Variants in SLIT3 observed in about 807,000 individuals in gnomAD.
SLIT3 encodes the protein slit homolog 3 protein.
SLIT3 carries 68 observed loss-of-function variants against 184.0 expected under a neutral mutation model. The observed-to-expected ratio is 0.37, with a 90% CI of 0.30 to 0.45. SLIT3 has a LOEUF of 0.45. Ranked by LOEUF, SLIT3 falls within the 20% of genes least tolerant of loss-of-function variation. The probability of loss-of-function intolerance (pLI) is 1.00; values close to 1 mark genes in which losing one functional copy is unlikely to be tolerated. For synonymous variants in SLIT3, 831 were observed against 828.6 expected (o/e 1.00, Z -0.05); for missense variants, 1,707 against 2,026.0 (o/e 0.84, Z 3.02).
rs11323030 is a variant in SLIT3 at position 168,793,800 on chromosome 5, T to TG, written c.1007+1706dup. Among the ~76,000 whole-genome samples the TG allele has an allele frequency of 3.1e-3, 459 of 149,198 alleles. 5 individuals are homozygous for TG. Among genetic ancestry groups the TG allele is most frequent in the African/African-American group, 9.0e-3 (366 of 40,520 alleles). ...ATCAAGCTGAGCTTTAAAAATGAAT[T>TG]GGGGGGGGGGATGCATGGAGAGCGG... On this transcript the variant is annotated intron_variant, in intron 10 of 35. Transcript: ENST00000519560.
intron 4 of SLIT3, among the ~76,000 whole-genome samples, chr5:169,013,627 C>T (rs1029159756): frequency 1.3e-5 from 2 of 152,296 alleles, no homozygotes; most frequent in South Asian, 2.1e-4. Flanking sequence ...CTGCCTCTTA[C>T]GCCCGTTCTG....
chr5:169,144,584 G>C (rs542699733), intron 4 of SLIT3, among the ~76,000 whole-genome samples: 1 of 152,182 alleles, frequency 6.6e-6, no homozygotes. Flanking sequence ...ATGATGGAAG[G>C]TGTGTTTAGA....
At chr5:168,907,656 T>G (rs1460059315) in intron 4 of SLIT3, among the ~76,000 whole-genome samples, 1 of 152,090 alleles carries the variant, frequency 6.6e-6, no homozygotes, top group Non-Finnish European at 1.5e-5. Context: ...GAAATACATA[T>G]AGCATAGCAC....
chr5:168,853,896 C>T (rs556527484), intron 5 of SLIT3, among the ~76,000 whole-genome samples: 50 of 152,326 alleles, frequency 3.3e-4, no homozygotes, highest in African/African-American at 1.2e-3. Context: ...TCAAGGCCTT[C>T]CTCAAAGGCC....
intron 4 of SLIT3, among the ~76,000 whole-genome samples, chr5:169,097,809 C>G (rs969024830): frequency 6.6e-6 from 1 of 152,110 alleles, no homozygotes; most frequent in Non-Finnish European, 1.5e-5. Context: ...CTCATCTGCC[C>G]TTTGTTAGGT....
At chr5:168,947,180 C>G (rs1048077979) in intron 4 of SLIT3, among the ~76,000 whole-genome samples, 6 of 152,134 alleles carry the variant, frequency 3.9e-5, no homozygotes, top group Non-Finnish European at 7.4e-5. Flanking sequence ...AACATTTAAA[C>G]AGAAACCAAG....
intron 4 of SLIT3, among the ~76,000 whole-genome samples, chr5:168,980,865 G>A (rs992077488): frequency 5.9e-5 from 9 of 152,190 alleles, no homozygotes; most frequent in African/African-American, 2.2e-4. Flanking sequence ...ATTTAGTGAT[G>A]TGGGAAAATG....
At chr5:168,730,514 T>G (rs1763261771) in intron 20 of SLIT3, among the ~76,000 whole-genome samples, 1 of 151,996 alleles carries the variant, frequency 6.6e-6, no homozygotes, top group South Asian at 2.1e-4. Context: ...AACCTGAAAT[T>G]ATATCAAGTA....
intron 3 of SLIT3, among the ~76,000 whole-genome samples, chr5:169,199,009 T>TACACAC (rs562637290): frequency 5.3e-4 from 77 of 146,458 alleles, no homozygotes; most frequent in East Asian, 2.8e-3. Flanking sequence ...TATATATAAA[T>TACACAC]ACACACACAC....
At chr5:169,045,276 C>T (rs1451365167) in intron 4 of SLIT3, among the ~76,000 whole-genome samples, 1 of 152,056 alleles carries the variant, frequency 6.6e-6, no homozygotes, top group African/African-American at 2.4e-5. Flanking sequence ...CCTAAACGTG[C>T]AACTTGGGCA....
intron 4 of SLIT3, among the ~76,000 whole-genome samples, chr5:169,161,433 T>TG (rs1263631372): frequency 5.9e-5 from 9 of 152,144 alleles, no homozygotes; most frequent in Non-Finnish European, 1.0e-4. Flanking sequence ...AGGCCCTCCA[T>TG]GGGGGAGCTG....
chr5:168,789,555 C>T lies in SLIT3; in HGVS notation c.1079+5G>A. On this transcript the variant is annotated splice_donor_5th_base_variant and intron_variant, in intron 11 of 35. Transcript: ENST00000519560. ...ACCTCAGGCCCCAACTCGGGCCCCA[C>T]TTACAGCGATGTGAGTGATTTCAGG... The T allele has an allele frequency of 6.2e-7, 1 of 1,611,980 alleles. No homozygotes were observed. The highest frequency in any genetic ancestry group is 8.5e-7 in the Non-Finnish European group (1 of 1,178,884).
chr5:169,046,916 C>T (rs920764611), intron 4 of SLIT3, among the ~76,000 whole-genome samples: 109 of 152,160 alleles, frequency 7.2e-4, no homozygotes, highest in African/African-American at 2.6e-3. Flanking sequence ...TATCAGACTG[C>T]CAAAAACACC....
rs577324243 is a variant in SLIT3 at position 168,986,246 on chromosome 5, C to T, written c.414-102910G>A. Among the ~76,000 whole-genome samples the T allele has an allele frequency of 7.9e-5, 12 of 152,256 alleles. No individual in the cohort carries two copies. In the South Asian group the frequency reaches 8.3e-4, roughly 11 times the overall value. On this transcript the variant is annotated intron_variant, in intron 4 of 35. Coordinates refer to ENST00000519560, the MANE Select transcript of SLIT3 (RefSeq NM_003062.4). ...ATTTCATGACGTAGGGCAAAAATCACGATCCCTATATGATAGATGATGAAA... is the reference window on the plus strand; with the variant it reads ...ATTTCATGACGTAGGGCAAAAATCATGATCCCTATATGATAGATGATGAAA...
At chr5:169,236,644 G>C (rs1765211302) in intron 3 of SLIT3, among the ~76,000 whole-genome samples, 1 of 151,884 alleles carries the variant, frequency 6.6e-6, no homozygotes, top group Non-Finnish European at 1.5e-5. Flanking sequence ...ATAATTTGTT[G>C]TATTTTTAGT....
intron 9 of SLIT3, among the ~76,000 whole-genome samples, chr5:168,796,873 GC>G (rs909445559): frequency 7.2e-5 from 11 of 152,046 alleles, no homozygotes; most frequent in African/African-American, 2.7e-4. Context: ...GGTTTGTCAG[GC>G]CAACCCATAA....
chr5:168,967,437 C>CCTTTTTTTTT (rs1763237303), intron 4 of SLIT3, among the ~76,000 whole-genome samples: 3 of 32,736 alleles, frequency 9.2e-5, no homozygotes, highest in Admixed American at 9.7e-4. Context: ...CATCTCAAAT[C>CCTTTTTTTTT]TTTTTTTTTT....
chr5:168,810,082 C>T (rs183976467), intron 8 of SLIT3, among the ~76,000 whole-genome samples: 11 of 152,324 alleles, frequency 7.2e-5, no homozygotes, highest in Admixed American at 3.9e-4. Flanking sequence ...AGCAAATCCA[C>T]CCCTTCCAGC....
intron 10 of SLIT3, among the ~76,000 whole-genome samples, chr5:168,794,293 C>T (rs948560256): frequency 5.3e-5 from 8 of 152,260 alleles, no homozygotes; most frequent in South Asian, 2.1e-4. Context: ...AACAGCAACT[C>T]GGTTACTGGG....
Sources: allele counts gnomAD v4.1 joint callset (sites outside exome capture counted in the v4.1 genomes callset), GRCh38; gene constraint gnomAD v4.1.1; transcripts MANE v1.5; gene names NCBI Gene and HGNC (gene_info 2026-07-23, HGNC 2026-07-21).